Variants in ROBO1 observed in about 807,000 individuals in gnomAD.
ROBO1 encodes the protein roundabout homolog 1.
In ROBO1, 149 loss-of-function variants were observed where a neutral mutation model predicts 195.9. The ratio of observed to expected loss-of-function variants is 0.76; its 90% CI spans 0.67 to 0.87. ROBO1 has a LOEUF of 0.87. Ranked by LOEUF, ROBO1 falls within the 40% of genes least tolerant of loss-of-function variation. The probability of loss-of-function intolerance (pLI) is 0.00; values close to 1 mark genes in which losing one functional copy is unlikely to be tolerated. For missense variants in ROBO1, 1,933 were observed against 2,068.3 expected (o/e 0.93, Z 1.27); for synonymous variants, 816 against 733.2 (o/e 1.11, Z -1.82).
chr3:78,882,410 C>T (rs530188691), intron 4 of ROBO1, among the ~76,000 whole-genome samples: 8 of 152,282 alleles, frequency 5.3e-5, no homozygotes, highest in East Asian at 1.9e-4. Flanking sequence ...ACTTTCACAA[C>T]GCCACTGTGT....
chr3:78,961,683 T>C (rs936038878), intron 3 of ROBO1, among the ~76,000 whole-genome samples: 1 of 152,184 alleles, frequency 6.6e-6, no homozygotes, highest in Non-Finnish European at 1.5e-5. Context: ...ATATTCAGAC[T>C]CCTACAGTCT....
At chr3:79,060,633 A>C (rs1417479383) in intron 3 of ROBO1, among the ~76,000 whole-genome samples, 1 of 151,960 alleles carries the variant, frequency 6.6e-6, no homozygotes, top group African/African-American at 2.4e-5. Context: ...GCAGCAGATA[A>C]GTAGAAGCTT....
chr3:79,214,826 AT>A (rs60371742), intron 2 of ROBO1, among the ~76,000 whole-genome samples: 6,256 of 129,004 alleles, frequency 0.048, 189 homozygotes, highest in African/African-American at 0.11. Flanking sequence ...ATATATATAT[AT>A]TTTTTTTTTT....
intron 4 of ROBO1, among the ~76,000 whole-genome samples, chr3:78,758,437 T>C (rs1347990055): frequency 6.7e-6 from 1 of 150,196 alleles, no homozygotes; most frequent in Non-Finnish European, 1.5e-5. Context: ...GGTGGGAGGA[T>C]TGCTTGAGCC....
chr3:78,650,710 TAAATTTGCTTTGCAGCAAAGCAA>T (rs1168833713), intron 19 of ROBO1, among the ~76,000 whole-genome samples: 1 of 152,148 alleles, frequency 6.6e-6, no homozygotes, highest in Non-Finnish European at 1.5e-5. Flanking sequence ...AAATCCTCTT[TAAATTTGCTTTGCAGCAAAGCAA>T]AGCTGTTGCA....
At chr3:79,764,407 C>G (rs889798924) in intron 1 of ROBO1, among the ~76,000 whole-genome samples, 1 of 152,170 alleles carries the variant, frequency 6.6e-6, no homozygotes, top group Non-Finnish European at 1.5e-5. Flanking sequence ...TGTCTGTGGT[C>G]TCAGAAAGAG....
At chr3:79,106,045 T>G (rs2079772971) in intron 3 of ROBO1, among the ~76,000 whole-genome samples, 1 of 151,760 alleles carries the variant, frequency 6.6e-6, no homozygotes, top group Non-Finnish European at 1.5e-5. Context: ...ACAAATTTAG[T>G]ATGGTAACAG....
chr3:78,611,469 T>G (rs960259375), intron 28 of ROBO1, among the ~76,000 whole-genome samples: 1 of 152,198 alleles, frequency 6.6e-6, no homozygotes, highest in Admixed American at 6.5e-5. Flanking sequence ...AATCCTACCC[T>G]TTATCTGGGT....
intron 2 of ROBO1, among the ~76,000 whole-genome samples, chr3:79,284,779 C>A (rs2031780446): frequency 6.6e-6 from 1 of 152,202 alleles, no homozygotes; most frequent in Non-Finnish European, 1.5e-5. Flanking sequence ...AGTGAGATTG[C>A]ATCTAAAACA....
chr3:78,658,936 A>G (rs1707209735), intron 17 of ROBO1, among the ~76,000 whole-genome samples: 3 of 152,182 alleles, frequency 2.0e-5, no homozygotes, highest in Admixed American at 6.5e-5. Context: ...TAAATTGACC[A>G]TGAAGTTACG....
intron 1 of ROBO1, among the ~76,000 whole-genome samples, chr3:79,692,888 T>A (rs1473050776): frequency 2.0e-5 from 3 of 151,776 alleles, no homozygotes; most frequent in Non-Finnish European, 4.4e-5. Flanking sequence ...GGGAATAGGA[T>A]CCAAGCCCAA....
chr3:78,623,868 T>C (rs2107453515), intron 26 of ROBO1, among the ~76,000 whole-genome samples: 1 of 152,268 alleles, frequency 6.6e-6, no homozygotes, highest in East Asian at 1.9e-4. Flanking sequence ...GCTATCTATA[T>C]CTATGAGTGT....
chr3:79,129,066 C>T lies in ROBO1; in HGVS notation c.89-3527G>A, dbSNP rs369591595. 1.4e-4 allele frequency among the ~76,000 whole-genome samples: 22 copies of T among 152,238 alleles called. 1 individual carries two copies. The highest frequency in any genetic ancestry group is 5.1e-4 in the African/African-American group (21 of 41,566). On this transcript the variant is annotated intron_variant, in intron 2 of 30. Transcript: ENST00000464233. ...GTACATTTCTCAATTGGATGCTCTA[C>T]CAACAACCAAATTTATTTCCATTGG...
chr3:79,713,924 G>A (rs931664156), intron 1 of ROBO1, among the ~76,000 whole-genome samples: 10 of 152,190 alleles, frequency 6.6e-5, no homozygotes, highest in Admixed American at 2.6e-4. Context: ...CATTATTTCT[G>A]AGGGCTCTGT....
At chr3:79,051,230 C>A (rs1339378585) in intron 3 of ROBO1, among the ~76,000 whole-genome samples, 1 of 152,078 alleles carries the variant, frequency 6.6e-6, no homozygotes, top group African/African-American at 2.4e-5. Context: ...GGGGATATCA[C>A]CACAGATCCC....
rs1171543921 is a variant in ROBO1, at chr3:78,634,065, C to A, written c.3374-23G>T. 5 of 1,472,726 alleles carry A rather than the reference C, an allele frequency of 3.4e-6. No homozygotes were observed. The East Asian group carries it at 1.1e-4, about 34-fold the overall frequency. The allele number at this position is 1,472,726 out of a possible 1,614,324, so 91.2% of individuals were successfully genotyped here. On this transcript the variant is annotated intron_variant, in intron 23 of 30. Coordinates refer to ENST00000464233, the MANE Select transcript of ROBO1 (RefSeq NM_002941.4). Reference sequence around the variant, plus strand: ...AATCTAGACATATCAGATGAAAAAACAATAAACATTTATTTTCTCTTCATG... The same window carrying A: ...AATCTAGACATATCAGATGAAAAAAAAATAAACATTTATTTTCTCTTCATG...
intron 10 of ROBO1, among the ~76,000 whole-genome samples, chr3:78,677,954 C>T (rs1239788048): frequency 1.3e-5 from 2 of 151,652 alleles, no homozygotes; most frequent in South Asian, 2.1e-4. Flanking sequence ...TGTAAAAGAA[C>T]AGAAATTATA....
rs370140483 is a variant in ROBO1, at chr3:79,193,911, G to C, written c.89-68372C>G. ...ACCAAGAGAAAAGAGCTTCAAAAGA[G>C]AAAAAGAGGTCAAATGTGTACACCG... On this transcript the variant is annotated intron_variant, in intron 2 of 30. Coordinates refer to ENST00000464233, the MANE Select transcript of ROBO1 (RefSeq NM_002941.4). 1.5e-4 allele frequency among the ~76,000 whole-genome samples: 22 copies of C among 151,600 alleles called. No homozygotes were observed. In the South Asian group the frequency reaches 2.5e-3, roughly 17 times the overall value.
chr3:79,557,743 A>AAAAT (rs1472319919), intron 2 of ROBO1, among the ~76,000 whole-genome samples: 3 of 130,830 alleles, frequency 2.3e-5, no homozygotes, highest in South Asian at 2.4e-4. Context: ...AACAAAAAAA[A>AAAAT]ATATATATAT....
Sources: allele counts gnomAD v4.1 joint callset (sites outside exome capture counted in the v4.1 genomes callset), GRCh38; gene constraint gnomAD v4.1.1; transcripts MANE v1.5; gene names NCBI Gene and HGNC (gene_info 2026-07-23, HGNC 2026-07-21).